The following LCLAT1 variants were observed in gnomAD, a reference collection of about 807,000 sequenced individuals.
LCLAT1 encodes lysocardiolipin acyltransferase 1.
Under a neutral mutation model 30.7 loss-of-function variants are expected in LCLAT1, and 11 were observed. That is an observed-to-expected ratio of 0.36 (90% CI 0.23 to 0.59). The LOEUF (loss-of-function observed/expected upper bound fraction) is 0.59, where lower values mean the gene tolerates loss of function less well. Ranked by LOEUF, LCLAT1 falls within the 20% of genes least tolerant of loss-of-function variation. The pLI is 0.77. For synonymous variants in LCLAT1, 155 were observed against 151.3 expected (o/e 1.02, Z -0.18); for missense variants, 402 against 458.6 (o/e 0.88, Z 1.13).
chr2:30,573,806 C>T (rs1027177632), intron 5 of LCLAT1, among the ~76,000 whole-genome samples: 3 of 152,128 alleles, frequency 2.0e-5, no homozygotes, highest in Non-Finnish European at 4.4e-5. Flanking sequence ...GCCTTCAGCA[C>T]AGGGCCTGGC....
chr2:30,516,990 C>CT (rs1432551873), intron 1 of LCLAT1, among the ~76,000 whole-genome samples: 1 of 152,204 alleles, frequency 6.6e-6, no homozygotes, highest in Non-Finnish European at 1.5e-5. Flanking sequence ...AAGCAGAAAA[C>CT]TGTCATCCTG....
chr2:30,601,288 A>G (rs1667169550), intron 5 of LCLAT1, among the ~76,000 whole-genome samples: 1 of 152,200 alleles, frequency 6.6e-6, no homozygotes, highest in South Asian at 2.1e-4. Context: ...GATATTTATA[A>G]CAAGGGTTTC....
intron 3 of LCLAT1, among the ~76,000 whole-genome samples, chr2:30,546,393 A>T (rs934041162): frequency 6.6e-6 from 1 of 152,142 alleles, no homozygotes; most frequent in African/African-American, 2.4e-5. Flanking sequence ...TTCTTTTTAG[A>T]GATCATGAAT....
intron 3 of LCLAT1, among the ~76,000 whole-genome samples, chr2:30,545,602 A>G (rs528424451): frequency 7.9e-5 from 12 of 152,316 alleles, no homozygotes; most frequent in Non-Finnish European, 1.5e-4. Flanking sequence ...TAAATTAACT[A>G]AACTGTTTAG....
intron 1 of LCLAT1, among the ~76,000 whole-genome samples, chr2:30,502,622 C>T (rs1041853407): frequency 6.6e-6 from 1 of 152,190 alleles, no homozygotes; most frequent in Non-Finnish European, 1.5e-5. Context: ...AATAATATAC[C>T]ATGTGGCCAT....
At chr2:30,511,192 G>T (rs1220240985) in intron 1 of LCLAT1, among the ~76,000 whole-genome samples, 1 of 152,176 alleles carries the variant, frequency 6.6e-6, no homozygotes, top group African/African-American at 2.4e-5. Flanking sequence ...GGTGATTTAT[G>T]TGGGCTGTTT....
chr2:30,589,982 C>T (rs899809955), intron 5 of LCLAT1, among the ~76,000 whole-genome samples: 1 of 151,948 alleles, frequency 6.6e-6, no homozygotes, highest in African/African-American at 2.4e-5. Context: ...ATTTTAAATT[C>T]TATTTTATGG....
chr2:30,519,160 A>T (rs967561412), intron 1 of LCLAT1, among the ~76,000 whole-genome samples: 1 of 152,162 alleles, frequency 6.6e-6, no homozygotes, highest in Non-Finnish European at 1.5e-5. Context: ...CCAAAACCCT[A>T]CTAACTGTTG....
chr2:30,447,416 G>C (rs181397610), intron 1 of LCLAT1, 33 bp downstream of exon 1: 216 of 152,884 alleles, frequency 1.4e-3, no homozygotes, highest in African/African-American at 5.0e-3. Flanking sequence ...TGGGGTTACG[G>C]CGCGAGGAAA....
At chr2:30,485,898 A>G (rs560067327) in intron 1 of LCLAT1, among the ~76,000 whole-genome samples, 3 of 152,224 alleles carry the variant, frequency 2.0e-5, no homozygotes, top group African/African-American at 7.2e-5. Flanking sequence ...CATATATGTT[A>G]TATGTTTATA....
intron 1 of LCLAT1, among the ~76,000 whole-genome samples, chr2:30,454,142 C>T (rs752498041): frequency 1.4e-4 from 21 of 152,136 alleles, no homozygotes; most frequent in Non-Finnish European, 2.5e-4. Flanking sequence ...TTCTGAATAT[C>T]CATGCTGAAT....
intron 2 of LCLAT1, among the ~76,000 whole-genome samples, chr2:30,528,925 A>G (rs1376275665): frequency 6.6e-6 from 1 of 152,196 alleles, no homozygotes; most frequent in East Asian, 1.9e-4. Flanking sequence ...GAGATAGTGA[A>G]CATCTCTGTT....
intron 5 of LCLAT1, among the ~76,000 whole-genome samples, chr2:30,590,789 T>G (rs1666658248): frequency 6.6e-6 from 1 of 152,022 alleles, no homozygotes; most frequent in African/African-American, 2.4e-5. Context: ...CTAGGTTACT[T>G]TATTTTTACA....
rs753752339 is a variant in LCLAT1 at position 30,568,104 on chromosome 2, C to G, written c.556C>G (p.Leu186Val). 5.0e-6 allele frequency: 8 copies of G among 1,608,364 alleles called. No individual in the cohort carries two copies. The African/African-American group carries it at 5.4e-5, about 11-fold the overall frequency. ...RSNAFAEKNG[L>V]QKYEYVLHPR... is the part of the protein sequence containing the mutation. ...TAATGCATTTGCTGAAAAAAATGGA[C>G]TTCAGAAATATGAATATGTTTTACA... The change falls in exon 5 of 6, where the codon CTT (leucine) becomes GTT (valine). Residue 186 changes from leucine (L) to valine (V), a missense_variant. Coordinates refer to ENST00000379509, the MANE Select transcript of LCLAT1 (RefSeq NM_001002257.3).
intron 5 of LCLAT1, among the ~76,000 whole-genome samples, chr2:30,580,390 G>A (rs189723732): frequency 4.6e-5 from 7 of 152,240 alleles, no homozygotes; most frequent in South Asian, 2.1e-4. Context: ...ATCTTTGAAC[G>A]TAAAATCTGA....
chr2:30,458,598 C>T (rs1400373557), intron 1 of LCLAT1, among the ~76,000 whole-genome samples: 1 of 152,170 alleles, frequency 6.6e-6, no homozygotes, highest in East Asian at 1.9e-4. Context: ...TTCTGACCCT[C>T]AGTATTTATT....
At chr2:30,589,374 T>C (rs1333995486) in intron 5 of LCLAT1, among the ~76,000 whole-genome samples, 3 of 152,170 alleles carry the variant, frequency 2.0e-5, no homozygotes, top group African/African-American at 7.2e-5. Flanking sequence ...GATGCTGACT[T>C]TATTTTCAGT....
intron 1 of LCLAT1, among the ~76,000 whole-genome samples, chr2:30,509,908 T>C (rs1449064293): frequency 6.6e-6 from 1 of 152,156 alleles, no homozygotes; most frequent in Non-Finnish European, 1.5e-5. Flanking sequence ...CATCAGCTGA[T>C]GTGGAAGCCA....
In LCLAT1 at chr2:30,525,791, C is replaced by T. The variant is rs1328077085; in HGVS notation, c.165+36C>T. On this transcript the variant is annotated intron_variant, in intron 2 of 5. Coordinates refer to ENST00000379509, the MANE Select transcript of LCLAT1 (RefSeq NM_001002257.3). ...CACCAGAGGAGACTGTCTGCTTGTA[C>T]TAGAGTGCTCCCCACCCCTGATAGA... is the stretch of plus-strand genomic sequence containing the variant. 2.5e-6 allele frequency: 4 copies of T among 1,596,302 alleles called. No individual in the cohort carries two copies. The East Asian group carries it at 6.7e-5, about 27-fold the overall frequency.
Sources: gnomAD v4.1 joint callset for allele counts (sites outside exome capture counted in the v4.1 genomes callset) on GRCh38, gnomAD v4.1.1 for gene constraint, MANE v1.5 for transcripts, NCBI Gene and HGNC (gene_info 2026-07-23, HGNC 2026-07-21) for gene names.